FRMD4B: variants seen among roughly 807,000 people sequenced by gnomAD.
FRMD4B encodes FERM domain containing 4B, also known as FERM domain-containing protein 4B.
Under a neutral mutation model 141.5 loss-of-function variants are expected in FRMD4B, and 74 were observed. That is an observed-to-expected ratio of 0.52 (90% CI 0.43 to 0.63). The LOEUF is 0.63. Ranked by LOEUF, FRMD4B falls within the 30% of genes least tolerant of loss-of-function variation. The probability of loss-of-function intolerance (pLI) is 0.00; values close to 1 mark genes in which losing one functional copy is unlikely to be tolerated. For synonymous variants in FRMD4B, 506 were observed against 467.9 expected, an observed-to-expected ratio of 1.08 and a Z score of -1.05; for missense variants, 1,366 against 1,253.4, an observed-to-expected ratio of 1.09 and a Z score of -1.36.
rs1263210763 is a variant in FRMD4B, at chr3:69,195,383, G to A, written c.1235-19C>T. On this transcript the variant is annotated intron_variant, in intron 14 of 22. Coordinates refer to ENST00000398540, the MANE Select transcript of FRMD4B (RefSeq NM_015123.3). ...TGAGAACCTAGGGGATGAGGGAAGG[G>A]CAGGGAAGGTTTATACAAGGGATGT... 6.3e-7 allele frequency: 1 copy of A among 1,594,374 alleles called. No individual in the cohort carries two copies. Among genetic ancestry groups the A allele is most frequent in the African/African-American group, 1.4e-5 (1 of 73,638 alleles).
intron 11 of FRMD4B, among the ~76,000 whole-genome samples, chr3:69,214,729 G>C (rs1364486261): frequency 6.6e-6 from 1 of 152,092 alleles, no homozygotes; most frequent in Non-Finnish European, 1.5e-5. Context: ...GGGCATGGTA[G>C]CATGTGTCTG....
In FRMD4B at chr3:69,187,913, A is replaced by T. The variant is rs1391339531; in HGVS notation, c.1776T>A (p.Ser592Arg). The change falls in exon 19 of 23, where the codon AGT becomes AGA. Residue 592 changes from serine to arginine, a missense_variant. Ser to Arg is a moderately radical substitution (Grantham distance 110). Transcript: ENST00000398540. ...GCTGCCCAGGAAAAGTGAAGGCATC[A>T]CTGGCTATAATAAGTAAATGGGTGA... The part of the protein sequence containing the change: ...LSDTTTYDDP[S>R]DAFTFPGQRS... 4 of 1,561,656 alleles carry T rather than the reference A, an allele frequency of 2.6e-6. No individual in the cohort carries two copies. The highest frequency in any genetic ancestry group is 3.5e-6 in the Non-Finnish European group (4 of 1,146,438).
intron 2 of FRMD4B, among the ~76,000 whole-genome samples, chr3:69,400,490 G>A (rs951816082): frequency 3.3e-5 from 5 of 152,170 alleles, no homozygotes; most frequent in Non-Finnish European, 7.3e-5. Context: ...ATTTTCCAAG[G>A]AAGAAGCCTG....
At chr3:69,536,005 C>T (rs1475377222) in intron 1 of FRMD4B, 8 of 389,928 alleles carry the variant, frequency 2.1e-5, no homozygotes, top group Middle Eastern at 6.2e-4. Context: ...CTACTAAGCC[C>T]GCTGGCACTG....
chr3:69,265,620 T>G (rs2093557690), intron 5 of FRMD4B, among the ~76,000 whole-genome samples: 1 of 151,404 alleles, frequency 6.6e-6, no homozygotes. Context: ...GCTAATTTTT[T>G]GTATTTTTAG....
chr3:69,526,617 C>T (rs1365689115), intron 1 of FRMD4B, among the ~76,000 whole-genome samples: 7 of 152,204 alleles, frequency 4.6e-5, no homozygotes, highest in Admixed American at 1.3e-4. Context: ...TGTTAGGCTC[C>T]GGTGCCTCCA....
At chr3:69,481,020 C>T (rs367965604) in intron 1 of FRMD4B, among the ~76,000 whole-genome samples, 9 of 152,154 alleles carry the variant, frequency 5.9e-5, no homozygotes, top group African/African-American at 1.4e-4. Flanking sequence ...GAGCCATGTG[C>T]GGGATATAAT....
At chr3:69,226,320 T>C (rs1290164394) in intron 7 of FRMD4B, among the ~76,000 whole-genome samples, 2 of 152,112 alleles carry the variant, frequency 1.3e-5, no homozygotes, top group African/African-American at 4.8e-5. Context: ...AAAATCAAAA[T>C]ATACCACAAT....
intron 19 of FRMD4B, among the ~76,000 whole-genome samples, chr3:69,184,221 T>C (rs913633012): frequency 6.6e-6 from 1 of 152,180 alleles, no homozygotes; most frequent in African/African-American, 2.4e-5. Context: ...ATCTGATACC[T>C]TTTACATAGT....
chr3:69,242,975 C>T (rs899988759), intron 7 of FRMD4B, among the ~76,000 whole-genome samples: 1 of 131,916 alleles, frequency 7.6e-6, no homozygotes, highest in Non-Finnish European at 1.5e-5. Context: ...GCCTGGGCAA[C>T]GAGAGTGAAA....
chr3:69,267,634 TATAGAGAGAG>T (rs2093572951), intron 5 of FRMD4B, among the ~76,000 whole-genome samples: 9 of 10,266 alleles, frequency 8.8e-4, no homozygotes, highest in African/African-American at 3.3e-3. Context: ...TATATATATA[TATAGAGAGAG>T]AGAGAGAGAG....
intron 5 of FRMD4B, among the ~76,000 whole-genome samples, chr3:69,264,303 G>T (rs775162574): frequency 7.2e-5 from 11 of 152,132 alleles, no homozygotes; most frequent in Admixed American, 5.2e-4. Flanking sequence ...ATTGTTATCT[G>T]TTTTTGCCAC....
At chr3:69,423,138 C>G (rs919535389) in intron 2 of FRMD4B, among the ~76,000 whole-genome samples, 1 of 152,184 alleles carries the variant, frequency 6.6e-6, no homozygotes, top group African/African-American at 2.4e-5. Flanking sequence ...ACTCCAAAAT[C>G]AATACTCAAG....
At chr3:69,517,638 C>T (rs928482660) in intron 1 of FRMD4B, among the ~76,000 whole-genome samples, 5 of 152,134 alleles carry the variant, frequency 3.3e-5, no homozygotes, top group Non-Finnish European at 5.9e-5. Flanking sequence ...CCTCCAGGGA[C>T]ATGCTGTGAA....
chr3:69,508,644 A>C (rs1057133999), intron 1 of FRMD4B, among the ~76,000 whole-genome samples: 3 of 152,238 alleles, frequency 2.0e-5, no homozygotes, highest in African/African-American at 7.2e-5. Context: ...TCTACCATTA[A>C]AAGGATAAAA....
At chr3:69,376,633 C>T (rs925365303) in intron 1 of FRMD4B, among the ~76,000 whole-genome samples, 8 of 151,992 alleles carry the variant, frequency 5.3e-5, no homozygotes, top group Non-Finnish European at 1.0e-4. Context: ...TATTTGCTAG[C>T]ATTTTTTATA....
intron 1 of FRMD4B, among the ~76,000 whole-genome samples, chr3:69,342,980 C>T (rs770981555): frequency 1.3e-5 from 2 of 152,074 alleles, no homozygotes; most frequent in African/African-American, 2.4e-5. Flanking sequence ...GACAGGGTCT[C>T]GCTCTGTCAC....
chr3:69,484,914 A>G (rs1276825357), intron 1 of FRMD4B, among the ~76,000 whole-genome samples: 1 of 152,098 alleles, frequency 6.6e-6, no homozygotes, highest in Non-Finnish European at 1.5e-5. Flanking sequence ...TCCCTCCAGT[A>G]GGCAGGGCTG....
At chr3:69,396,810 C>T (rs1304564441) in intron 2 of FRMD4B, among the ~76,000 whole-genome samples, 1 of 152,132 alleles carries the variant, frequency 6.6e-6, no homozygotes, top group African/African-American at 2.4e-5. Flanking sequence ...CCACGTGATC[C>T]AGCAATTCCA....
Sources: allele counts gnomAD v4.1 joint callset (sites outside exome capture counted in the v4.1 genomes callset), GRCh38; gene constraint gnomAD v4.1.1; transcripts MANE v1.5; gene names NCBI Gene and HGNC (gene_info 2026-07-23, HGNC 2026-07-21).